ADARB1: variants seen among roughly 807,000 people sequenced by gnomAD.
ADARB1 encodes adenosine deaminase RNA specific B1, also known as double-stranded RNA-specific editase 1.
In ADARB1, 10 loss-of-function variants were observed where a neutral mutation model predicts 52.4. The ratio of observed to expected loss-of-function variants is 0.19; its 90% confidence interval spans 0.12 to 0.32. The LOEUF is 0.32. Among genes scored for constraint, ADARB1 ranks in the 10% least tolerant of loss-of-function variants. ADARB1 has a pLI of 1.00. For synonymous variants in ADARB1, 349 were observed against 371.1 expected (o/e 0.94, Z 0.68); for missense variants, 643 against 922.3 (o/e 0.70, Z 3.92).
Position 45,134,856 on chromosome 21 carries a change from G to A in ADARB1, c.-48+6283G>A, listed in dbSNP as rs752731607. On this transcript the variant is annotated intron_variant, in intron 2 of 10. Transcript: ENST00000348831. ...AGGTCAGTGGGTGATGGCATTTGTG[G>A]TCAGGGGCACCCAGCACCACACCCC... 1.5e-5 allele frequency: 8 copies of A among 533,232 alleles called. No individual in the cohort carries two copies. The African/African-American group carries it at 1.5e-4, about 10-fold the overall frequency. The allele number at this position is 533,232 out of a possible 1,614,324, so 33.0% of individuals were successfully genotyped here.
At chr21:45,087,180 T>C (rs2086380282) in intron 1 of ADARB1, among the ~76,000 whole-genome samples, 1 of 152,218 alleles carries the variant, frequency 6.6e-6, no homozygotes, top group South Asian at 2.1e-4. Context: ...ACAGAAACAC[T>C]TACCCTTTGA....
At chr21:45,174,151 T>C (rs950955051) in intron 3 of ADARB1, among the ~76,000 whole-genome samples, 3 of 152,222 alleles carry the variant, frequency 2.0e-5, no homozygotes, top group Non-Finnish European at 4.4e-5. Flanking sequence ...GTAGTAGAAA[T>C]AGACCCTAAA....
rs9979686 is a variant in ADARB1, at chr21:45,220,786, C to T, written c.1748-50C>T. The T allele has an allele frequency of 4.0e-3, 6,343 of 1,595,302 alleles. 203 individuals are homozygous for T. The African/African-American group carries it at 0.07, about 18-fold the overall frequency. ...TGTGCCGCCCGTGGCTGCTCCCTCC[C>T]TGGGGGTGAAAGCGGGCTTCACACC... On this transcript the variant is annotated intron_variant, in intron 9 of 10. Transcript: ENST00000348831. The surrounding 1 kb of genome is among the most constrained non-coding windows in gnomAD (Gnocchi z 6.3).
At chr21:45,105,741 C>G (rs1288596163) in intron 1 of ADARB1, among the ~76,000 whole-genome samples, 2 of 152,252 alleles carry the variant, frequency 1.3e-5, no homozygotes, top group Non-Finnish European at 2.9e-5. Flanking sequence ...ATTTCAAGGA[C>G]TGGCTTCCTT....
intron 9 of ADARB1, among the ~76,000 whole-genome samples, chr21:45,209,860 C>T (rs970927251): frequency 1.3e-5 from 2 of 152,162 alleles, no homozygotes; most frequent in African/African-American, 4.8e-5. Flanking sequence ...CTTCTCTGCC[C>T]TCTCTGTTGT....
At chr21:45,182,117 A>G (rs897726373) in intron 5 of ADARB1, among the ~76,000 whole-genome samples, 3 of 152,376 alleles carry the variant, frequency 2.0e-5, no homozygotes, top group African/African-American at 7.2e-5. Flanking sequence ...TAATGAAAAC[A>G]TCACAAGTTA....
chr21:45,171,351 C>G (rs984514127), intron 2 of ADARB1, among the ~76,000 whole-genome samples: 2 of 152,218 alleles, frequency 1.3e-5, no homozygotes, highest in Non-Finnish European at 1.5e-5. Flanking sequence ...CATCATCCCT[C>G]CATGTGGGAG....
At position 45,220,911 on chromosome 21, in the gene ADARB1, C is replaced by T. The variant is rs2092953096; in HGVS notation, c.1823C>T (p.Ala608Val). 1.9e-6 allele frequency: 3 copies of T among 1,613,372 alleles called. No homozygotes were observed. The highest frequency in any genetic ancestry group is 2.5e-6 in the Non-Finnish European group (3 of 1,180,044). The change falls in exon 10 of 11, where the codon GCT becomes GTT. Residue 608 changes from alanine to valine, a missense_variant. Transcript: ENST00000348831. The surrounding 1 kb of genome is among the most constrained non-coding windows in gnomAD (Gnocchi z 6.3). The stretch of plus-strand genomic sequence containing the variant: ...GTCAACTGGACGGTAGGCGACTCCG[C>T]TATTGAGGTCATCAACGCCACGACT... The part of the protein sequence containing the change: ...FSVNWTVGDS[A>V]IEVINATTGK...
chr21:45,205,708 G>A (rs968527919), intron 9 of ADARB1, among the ~76,000 whole-genome samples: 3 of 152,266 alleles, frequency 2.0e-5, no homozygotes, highest in Non-Finnish European at 4.4e-5. Flanking sequence ...GAATTCAAAG[G>A]TCCTAACTTC....
rs933068313 is a variant in ADARB1, at chr21:45,222,660, G to T, written c.*463G>T. ...GCCACATTATTTTAATTGCAAAAAA[G>T]CATCTATATATGGAGGAGGGTGGGA... On this transcript the variant is annotated 3_prime_UTR_variant, in exon 11 of 11. Coordinates refer to ENST00000348831, the MANE Select transcript of ADARB1 (RefSeq NM_001112.4). The T allele has an allele frequency of 2.9e-5, 29 of 988,672 alleles. No individual in the cohort carries two copies. Among genetic ancestry groups the T allele is most frequent in the Non-Finnish European group, 3.5e-5 (29 of 832,238 alleles). 61.2% of individuals were successfully genotyped at this position (988,672 alleles called of 1,614,324 possible). A position where few individuals can be genotyped will look rare whatever the true frequency, so the allele number is the denominator to read the frequency against.
At chr21:45,144,160 G>A (rs116869330) in intron 2 of ADARB1, among the ~76,000 whole-genome samples, 3,344 of 152,250 alleles carry the variant, frequency 0.022, 53 homozygotes, top group Non-Finnish European at 0.034. Flanking sequence ...TTTCCCATGT[G>A]TTGATTTTAT....
At chr21:45,126,536 C>T (rs1220750084) in intron 1 of ADARB1, among the ~76,000 whole-genome samples, 1 of 152,184 alleles carries the variant, frequency 6.6e-6, no homozygotes, top group Non-Finnish European at 1.5e-5. Flanking sequence ...CCTCACGGCA[C>T]CATCTGCGGC....
chr21:45,106,638 G>A (rs1226006307), intron 1 of ADARB1, among the ~76,000 whole-genome samples: 2 of 152,190 alleles, frequency 1.3e-5, no homozygotes, highest in Non-Finnish European at 2.9e-5. Flanking sequence ...CATTTTTAGT[G>A]CTATCTATGA....
At chr21:45,115,169 A>G (rs561266141) in intron 1 of ADARB1, among the ~76,000 whole-genome samples, 57 of 152,320 alleles carry the variant, frequency 3.7e-4, no homozygotes, top group African/African-American at 1.3e-3. Context: ...TTACCCCAGA[A>G]ATGCAGAAAT....
intron 3 of ADARB1, 50 bp downstream of exon 3, chr21:45,171,734 C>T (rs1363306875): frequency 7.7e-6 from 12 of 1,548,732 alleles, no homozygotes; most frequent in Non-Finnish European, 1.1e-5. Flanking sequence ...TTTATGTTAA[C>T]ATTTTGGTGT....
chr21:45,099,336 T>C (rs995666361), intron 1 of ADARB1, among the ~76,000 whole-genome samples: 1 of 152,102 alleles, frequency 6.6e-6, no homozygotes, highest in African/African-American at 2.4e-5. Context: ...TAAATTAGGG[T>C]CTTCGGATTG....
Position 45,171,568 on chromosome 21 carries a change from T to C in ADARB1, c.-47-42T>C, listed in dbSNP as rs746504942. The C allele has an allele frequency of 2.4e-6, 3 of 1,232,802 alleles. 1 individual carries two copies. The highest frequency in any genetic ancestry group is 1.2e-6 in the Non-Finnish European group (1 of 846,568). 76.4% of individuals were successfully genotyped at this position (1,232,802 alleles called of 1,614,324 possible). A position where few individuals can be genotyped will look rare whatever the true frequency, so the allele number is the denominator to read the frequency against. ...GAGTAGACTTACTTCATATTACTCC[T>C]GTCATAGGCACACTAAATGCTATTT... On this transcript the variant is annotated intron_variant, in intron 2 of 10. Transcript: ENST00000348831.
intron 1 of ADARB1, among the ~76,000 whole-genome samples, chr21:45,077,326 G>A (rs977879922): frequency 2.6e-5 from 4 of 152,186 alleles, no homozygotes; most frequent in African/African-American, 7.2e-5. Flanking sequence ...AAGTTATCAA[G>A]CTTAGTTTGA....
chr21:45,159,581 C>T (rs1364678523), intron 2 of ADARB1, among the ~76,000 whole-genome samples: 2 of 152,154 alleles, frequency 1.3e-5, no homozygotes, highest in African/African-American at 4.8e-5. Context: ...TCAGTAATGC[C>T]TTACTTCTGC....
Sources: gnomAD v4.1 joint callset for allele counts (sites outside exome capture counted in the v4.1 genomes callset) on GRCh38, gnomAD v4.1.1 for gene constraint, Gnocchi (gnomAD v3.1) non-coding constraint, MANE v1.5 for transcripts, NCBI Gene and HGNC (gene_info 2026-07-23, HGNC 2026-07-21) for gene names.